TDRP: variants seen among roughly 807,000 people sequenced by gnomAD.
The protein encoded by TDRP is testis development-related protein.
A neutral mutation model predicts 10.5 loss-of-function variants in TDRP; 12 were observed. The observed-to-expected ratio is 1.15, with a 90% CI of 0.73 to 1.86. The LOEUF (loss-of-function observed/expected upper bound fraction) is 1.86, where lower values mean the gene tolerates loss of function less well. TDRP is among the 40% of genes most tolerant of loss of function. The pLI is 0.00. For missense variants in TDRP, 353 were observed against 229.2 expected (o/e 1.54, Z -3.49); for synonymous variants, 139 against 95.4 (o/e 1.46, Z -2.67).
intron 1 of TDRP, among the ~76,000 whole-genome samples, chr8:529,033 A>G (rs942207134): frequency 6.6e-6 from 1 of 152,154 alleles, no homozygotes; most frequent in Non-Finnish European, 1.5e-5. Context: ...ATAGGCTGGG[A>G]GGCTAGGCCA....
chr8:504,314 T>C (rs1801393977), intron 1 of TDRP, among the ~76,000 whole-genome samples: 1 of 152,222 alleles, frequency 6.6e-6, no homozygotes, highest in African/African-American at 2.4e-5. Flanking sequence ...TTTCCTTTGA[T>C]ATGCTCCAGA....
chr8:537,753 C>T (rs956118834), intron 1 of TDRP, among the ~76,000 whole-genome samples: 5 of 152,282 alleles, frequency 3.3e-5, no homozygotes, highest in East Asian at 1.9e-4. Context: ...CCAGAGGAGA[C>T]GAGCCTAACT....
rs768130526 is a variant in TDRP at position 492,634 on chromosome 8, C to A, written c.323G>T (p.Gly108Val). 2 of 1,614,054 alleles carry A rather than the reference C, an allele frequency of 1.2e-6. No individual in the cohort carries two copies. The highest frequency in any genetic ancestry group is 2.2e-5 in the East Asian group (1 of 44,876). The part of the protein sequence containing the change: ...IQSKKPDEIE[G>V]WEPPKLALED... ...AAGAGCAAGTTTTGGAGGCTCCCAACCTTCAATTTCATCTGGTTTTTTAGA... is the reference window on the plus strand; with the variant it reads ...AAGAGCAAGTTTTGGAGGCTCCCAAACTTCAATTTCATCTGGTTTTTTAGA... Residue 108 changes from glycine to valine, a missense_variant, in exon 3 of 3, where the codon GGT becomes GTT. Physicochemically the swap from Gly to Val is moderately radical, Grantham distance 109 (BLOSUM62 -3). Coordinates refer to ENST00000324079, the MANE Select transcript of TDRP (RefSeq NM_001384899.1).
Position 491,796 on chromosome 8 carries a change from A to G in TDRP, c.*603T>C, listed in dbSNP as rs1184555554. The G allele has an allele frequency of 2.4e-6, 3 of 1,264,438 alleles. No individual in the cohort carries two copies. The allele number at this position is 1,264,438 out of a possible 1,614,324, so 78.3% of individuals were successfully genotyped here. A position where few individuals can be genotyped will look rare whatever the true frequency, so the allele number is the denominator to read the frequency against. On this transcript the variant is annotated 3_prime_UTR_variant, in exon 3 of 3. Transcript: ENST00000324079. ...CTATCCAGTGGACATACAAGAAGCT[A>G]TTCCTCCCTCAGCAAAAGATGAACA...
At chr8:513,952 T>C (rs1013821657) in intron 1 of TDRP, among the ~76,000 whole-genome samples, 1 of 152,150 alleles carries the variant, frequency 6.6e-6, no homozygotes. Flanking sequence ...TTAAATGATC[T>C]GAATAACTGG....
chr8:510,920 T>G (rs1478539784), intron 1 of TDRP, among the ~76,000 whole-genome samples: 1 of 152,250 alleles, frequency 6.6e-6, no homozygotes, highest in Non-Finnish European at 1.5e-5. Context: ...AAATGTAATG[T>G]GTATGTAATA....
At chr8:520,024 C>G (rs1365366385) in intron 1 of TDRP, among the ~76,000 whole-genome samples, 3 of 152,184 alleles carry the variant, frequency 2.0e-5, no homozygotes, top group Non-Finnish European at 2.9e-5. Context: ...GAATGGAGGT[C>G]ACAGCACGTT....
chr8:523,849 AT>A (rs1801969462), intron 1 of TDRP, among the ~76,000 whole-genome samples: 1 of 152,172 alleles, frequency 6.6e-6, no homozygotes, highest in Admixed American at 6.5e-5. Context: ...GCATCCCTAG[AT>A]ACATCCAGGG....
intron 1 of TDRP, among the ~76,000 whole-genome samples, chr8:542,094 G>A (rs1044565438): frequency 6.6e-6 from 1 of 152,158 alleles, no homozygotes; most frequent in Non-Finnish European, 1.5e-5. Flanking sequence ...AAAGAAACGA[G>A]CTACAAGCCG....
At chr8:543,217 G>C (rs1049695955) in intron 1 of TDRP, among the ~76,000 whole-genome samples, 1 of 152,108 alleles carries the variant, frequency 6.6e-6, no homozygotes, top group Admixed American at 6.5e-5. Flanking sequence ...GAGGCTGAGA[G>C]AGGAGAATAG....
chr8:495,686 A>T (rs560353869), intron 1 of TDRP, among the ~76,000 whole-genome samples: 2 of 152,204 alleles, frequency 1.3e-5, no homozygotes, highest in Non-Finnish European at 2.9e-5. Flanking sequence ...CGTTGTTAAA[A>T]ATATAATACA....
At chr8:540,865 G>C (rs912016405) in intron 1 of TDRP, among the ~76,000 whole-genome samples, 8 of 148,408 alleles carry the variant, frequency 5.4e-5, no homozygotes, top group African/African-American at 2.0e-4. Flanking sequence ...CAACAGGACG[G>C]ATATGATTGC....
At chr8:520,574 T>G (rs1482474337) in intron 1 of TDRP, among the ~76,000 whole-genome samples, 1 of 152,220 alleles carries the variant, frequency 6.6e-6, no homozygotes, top group Non-Finnish European at 1.5e-5. Flanking sequence ...AGTGCACAGG[T>G]GTTCCAATCT....
At position 505,031 on chromosome 8, in the gene TDRP, G is replaced by A. The variant is rs924348250; in HGVS notation, c.109-10434C>T. ...GAAATAAAAATATTTCATACATGAT[G>A]ACTTCATATTCAATTTACAAAAACA... On this transcript the variant is annotated intron_variant, in intron 1 of 2. Coordinates refer to ENST00000324079, the MANE Select transcript of TDRP (RefSeq NM_001384899.1). 2.0e-5 allele frequency among the ~76,000 whole-genome samples: 3 copies of A among 152,320 alleles called. No individual in the cohort carries two copies. The East Asian group carries it at 5.8e-4, about 29-fold the overall frequency.
chr8:505,598 C>G (rs1801438498), intron 1 of TDRP, among the ~76,000 whole-genome samples: 1 of 152,184 alleles, frequency 6.6e-6, no homozygotes, highest in Non-Finnish European at 1.5e-5. Context: ...CCAGCCATTT[C>G]CCATGAAGGC....
chr8:519,988 G>C (rs903072930), intron 1 of TDRP, among the ~76,000 whole-genome samples: 2 of 152,198 alleles, frequency 1.3e-5, no homozygotes, highest in African/African-American at 4.8e-5. Context: ...ATAAATGCGT[G>C]TAAGGCACAG....
At chr8:514,311 G>A (rs901129854) in intron 1 of TDRP, among the ~76,000 whole-genome samples, 1 of 152,148 alleles carries the variant, frequency 6.6e-6, no homozygotes, top group African/African-American at 2.4e-5. Context: ...ATACATATAA[G>A]GTCAATTGAT....
Position 490,921 on chromosome 8 carries a change from T to C in TDRP, c.*1478A>G, listed in dbSNP as rs2034352. Reference sequence around the variant, plus strand: ...TGATTGACAGAAGGCTAGATGGATGTAGACTGAGAGAAGACAGACATAGAG... The same window carrying C: ...TGATTGACAGAAGGCTAGATGGATGCAGACTGAGAGAAGACAGACATAGAG... On this transcript the variant is annotated 3_prime_UTR_variant, in exon 3 of 3. Transcript: ENST00000324079. 0.13 allele frequency: 19,907 copies of C among 151,994 alleles called. 1,610 individuals carry two copies. The highest frequency in any genetic ancestry group is 0.22 in the African/African-American group (9,181 of 41,452). 9.4% of individuals were successfully genotyped at this position (151,994 alleles called of 1,614,324 possible). A position where few individuals can be genotyped will look rare whatever the true frequency, so the allele number is the denominator to read the frequency against.
At chr8:504,038 A>G (rs1010160574) in intron 1 of TDRP, among the ~76,000 whole-genome samples, 1 of 151,730 alleles carries the variant, frequency 6.6e-6, no homozygotes, top group Non-Finnish European at 1.5e-5. Context: ...CACGGAATCC[A>G]GAGCCACAAA....
Sources: gnomAD v4.1 joint callset for allele counts (sites outside exome capture counted in the v4.1 genomes callset) on GRCh38, gnomAD v4.1.1 for gene constraint, MANE v1.5 for transcripts, NCBI Gene and HGNC (gene_info 2026-07-23, HGNC 2026-07-21) for gene names.